Variants in MCTP1 observed in about 807,000 individuals in gnomAD.
MCTP1 encodes multiple C2 and transmembrane domain containing 1, also known as multiple C2 and transmembrane domain-containing protein 1.
A neutral mutation model predicts 120.6 loss-of-function variants in MCTP1; 69 were observed. The ratio of observed to expected loss-of-function variants is 0.57; its 90% CI spans 0.47 to 0.70. The LOEUF (loss-of-function observed/expected upper bound fraction) is 0.70. MCTP1 is among the 30% of genes least tolerant of loss of function. The pLI, the probability that MCTP1 is intolerant of heterozygous loss-of-function variation, is 0.00. For synonymous variants in MCTP1, 529 were observed against 493.1 expected (o/e 1.07, Z -0.96); for missense variants, 1,203 against 1,248.8 (o/e 0.96, Z 0.55).
intron 17 of MCTP1, chr5:94,826,483 G>T: frequency 1.4e-6 from 1 of 695,158 alleles, no homozygotes; most frequent in Non-Finnish European, 2.7e-6. Flanking sequence ...TGTCATCCTC[G>T]CCATTCAAAT....
intron 2 of MCTP1, among the ~76,000 whole-genome samples, chr5:95,010,163 T>C (rs1339256888): frequency 2.6e-5 from 4 of 152,256 alleles, no homozygotes; most frequent in Admixed American, 2.6e-4. Flanking sequence ...TTTCTCTACA[T>C]TCATCTTTTT....
intron 2 of MCTP1, among the ~76,000 whole-genome samples, chr5:95,011,545 G>C (rs908649740): frequency 1.3e-5 from 2 of 152,060 alleles, no homozygotes; most frequent in Non-Finnish European, 2.9e-5. Flanking sequence ...CCTCCATGCT[G>C]TTCTCATGAT....
chr5:94,909,515 C>T (rs1807887520), intron 9 of MCTP1, 134 bp from the exon 10 acceptor site: 1 of 816,616 alleles, frequency 1.2e-6, no homozygotes, highest in Non-Finnish European at 1.8e-6. Context: ...AAAAAGATTA[C>T]AGAAATAATG....
At chr5:94,803,962 G>GCATA (rs1228992521) in intron 17 of MCTP1, among the ~76,000 whole-genome samples, 1 of 152,194 alleles carries the variant, frequency 6.6e-6, no homozygotes, top group African/African-American at 2.4e-5. Flanking sequence ...AAAACATGGG[G>GCATA]CATAGCTGCC....
chr5:94,820,368 T>C (rs1785376307), intron 17 of MCTP1, among the ~76,000 whole-genome samples: 1 of 152,188 alleles, frequency 6.6e-6, no homozygotes, highest in African/African-American at 2.4e-5. Context: ...CACAGGAAGT[T>C]ATAAGGTTAG....
chr5:94,774,321 A>C (rs1041685678), intron 19 of MCTP1, among the ~76,000 whole-genome samples: 1 of 146,372 alleles, frequency 6.8e-6, no homozygotes, highest in Non-Finnish European at 1.5e-5. Context: ...ATTATCTTTG[A>C]TGGGCCTGGC....
At chr5:95,000,285 T>A (rs1404636775) in intron 2 of MCTP1, among the ~76,000 whole-genome samples, 1 of 152,176 alleles carries the variant, frequency 6.6e-6, no homozygotes, top group Non-Finnish European at 1.5e-5. Context: ...AGGTTACTGG[T>A]TTTTGTATTT....
intron 1 of MCTP1, among the ~76,000 whole-genome samples, chr5:95,038,607 A>ATG (rs1235902535): frequency 6.6e-6 from 1 of 152,136 alleles, no homozygotes; most frequent in Non-Finnish European, 1.5e-5. Context: ...AAACTACATC[A>ATG]TGGAAGGCAT....
At position 94,706,484 on chromosome 5, in the gene MCTP1, C is replaced by CA. The variant is rs1754638787; in HGVS notation, c.*1011dup. On this transcript the variant is annotated 3_prime_UTR_variant, in exon 23 of 23. Transcript: ENST00000515393. ...TGAATGTAGTGAAACACTGGCATAT[C>CA]ACTTAGCACACTGAATTCTCTACAT... The CA allele has an allele frequency of 6.6e-6, 1 of 151,244 alleles. No individual in the cohort carries two copies. The highest frequency in any genetic ancestry group is 1.5e-5 in the Non-Finnish European group (1 of 67,688). 9.4% of individuals were successfully genotyped at this position (151,244 alleles called of 1,614,324 possible). A position where few individuals can be genotyped will look rare whatever the true frequency, so the allele number is the denominator to read the frequency against.
intron 17 of MCTP1, among the ~76,000 whole-genome samples, chr5:94,862,056 TA>T (rs1205050455): frequency 1.3e-5 from 2 of 151,844 alleles, no homozygotes; most frequent in African/African-American, 4.8e-5. Context: ...GTGATATTTG[TA>T]ATTTTTTGAC....
At chr5:95,125,120 G>T (rs528986337) in intron 1 of MCTP1, among the ~76,000 whole-genome samples, 1 of 152,302 alleles carries the variant, frequency 6.6e-6, no homozygotes, top group South Asian at 2.1e-4. Context: ...TGTATGTTTT[G>T]TGCAGAAGAG....
intron 1 of MCTP1, among the ~76,000 whole-genome samples, chr5:95,212,030 A>T: frequency 6.6e-6 from 1 of 152,196 alleles, no homozygotes; most frequent in East Asian, 1.9e-4. Context: ...GGAGAACTGA[A>T]GGAGATAGAG....
intron 18 of MCTP1, among the ~76,000 whole-genome samples, chr5:94,784,413 G>A (rs1247537987): frequency 1.3e-5 from 2 of 152,070 alleles, no homozygotes; most frequent in African/African-American, 2.4e-5. Flanking sequence ...TCACTTGAAA[G>A]TACCAAAGGT....
intron 1 of MCTP1, among the ~76,000 whole-genome samples, chr5:95,022,322 C>T (rs1453094847): frequency 6.6e-6 from 1 of 152,164 alleles, no homozygotes; most frequent in Non-Finnish European, 1.5e-5. Context: ...TTTTCCTTAA[C>T]AGAATAGAAC....
intron 2 of MCTP1, among the ~76,000 whole-genome samples, chr5:94,996,539 C>T (rs988922465): frequency 8.5e-5 from 13 of 152,060 alleles, no homozygotes; most frequent in Non-Finnish European, 1.6e-4. Flanking sequence ...ATATCCTACA[C>T]GCATCCTCTT....
chr5:94,728,690 T>C (rs1396084235), intron 19 of MCTP1, among the ~76,000 whole-genome samples: 1 of 152,214 alleles, frequency 6.6e-6, no homozygotes, highest in East Asian at 1.9e-4. Flanking sequence ...ATATAAATAC[T>C]AGTTTTCTTC....
intron 17 of MCTP1, among the ~76,000 whole-genome samples, chr5:94,820,562 G>A (rs1374287914): frequency 6.6e-6 from 1 of 151,712 alleles, no homozygotes; most frequent in Non-Finnish European, 1.5e-5. Flanking sequence ...GAGGCGAGGT[G>A]GCATTTTACA....
intron 1 of MCTP1, among the ~76,000 whole-genome samples, chr5:95,073,669 G>C (rs1045454923): frequency 9.9e-5 from 15 of 152,158 alleles, no homozygotes; most frequent in African/African-American, 3.4e-4. Context: ...TGAGAGGGAA[G>C]GGCAGGAATA....
In MCTP1 at chr5:95,215,429, G is replaced by C. The variant is rs1255595601; in HGVS notation, c.720+68427C>G. On this transcript the variant is annotated intron_variant, in intron 1 of 22. Transcript: ENST00000515393. ...GAGAATGTCATTTTAGGGGCTGGGA[G>C]ATCATCATGTTATCATGTAAAAAAC... 7.2e-5 allele frequency among the ~76,000 whole-genome samples: 11 copies of C among 152,300 alleles called. No homozygotes were observed. In the East Asian group the frequency reaches 2.1e-3, roughly 29 times the overall value.
Sources: gnomAD v4.1 joint callset for allele counts (sites outside exome capture counted in the v4.1 genomes callset) on GRCh38, gnomAD v4.1.1 for gene constraint, MANE v1.5 for transcripts, NCBI Gene and HGNC (gene_info 2026-07-23, HGNC 2026-07-21) for gene names.